Variants in FOXP2 observed in about 807,000 individuals in gnomAD.
FOXP2 encodes forkhead box P2, also known as forkhead box protein P2.
Under a neutral mutation model 115.8 loss-of-function variants are expected in FOXP2, and 12 were observed. The ratio of observed to expected loss-of-function variants is 0.10; its 90% confidence interval spans 0.07 to 0.17. The LOEUF is 0.17. Ranked by LOEUF, FOXP2 falls within the 10% of genes least tolerant of loss-of-function variation. FOXP2 has a pLI of 1.00. For missense variants in FOXP2, 629 were observed against 843.5 expected, an observed-to-expected ratio of 0.75 and a Z score of 3.15; for synonymous variants, 328 against 297.7, an observed-to-expected ratio of 1.10 and a Z score of -1.05.
At chr7:114,140,419 C>T (rs995729350) in intron 1 of FOXP2, among the ~76,000 whole-genome samples, 1 of 152,118 alleles carries the variant, frequency 6.6e-6, no homozygotes, top group Non-Finnish European at 1.5e-5. Flanking sequence ...GGGAGCCTGA[C>T]GTGCACGGTT....
At chr7:114,502,675 T>C (rs1385229443) in intron 2 of FOXP2, among the ~76,000 whole-genome samples, 1 of 152,044 alleles carries the variant, frequency 6.6e-6, no homozygotes, top group Non-Finnish European at 1.5e-5. Flanking sequence ...TTTCTTTTTC[T>C]TACTCAAAAA....
chr7:114,192,199 A>C (rs986101558), intron 1 of FOXP2, among the ~76,000 whole-genome samples: 1 of 104,074 alleles, frequency 9.6e-6, no homozygotes, highest in African/African-American at 2.8e-5. Flanking sequence ...GTTGGCCAGG[A>C]TGGTCTCTAT....
At chr7:114,188,387 A>G (rs1270550784) in intron 1 of FOXP2, among the ~76,000 whole-genome samples, 1 of 152,114 alleles carries the variant, frequency 6.6e-6, no homozygotes, top group East Asian at 1.9e-4. Flanking sequence ...GCTTCAGGGC[A>G]TGTGCTCTTG....
rs145707507 is a variant in FOXP2 at position 114,635,825 on chromosome 7, A to T, written c.775+4120A>T. Among the ~76,000 whole-genome samples the T allele has an allele frequency of 6.2e-3, 945 of 152,302 alleles. 8 individuals carry two copies. The highest frequency in any genetic ancestry group is 0.021 in the African/African-American group (875 of 41,590). On this transcript the variant is annotated intron_variant, in intron 6 of 16. Coordinates refer to ENST00000350908, the MANE Select transcript of FOXP2 (RefSeq NM_014491.4). ...GTCAACTTTGCCATATTAAAATATG[A>T]TGAGAAAAAGGAAACATCATTGGTT...
intron 1 of FOXP2, among the ~76,000 whole-genome samples, chr7:114,238,048 C>A (rs983610673): frequency 6.6e-6 from 1 of 152,178 alleles, no homozygotes; most frequent in African/African-American, 2.4e-5. Context: ...AACAAAGTTG[C>A]TAACAATCCA....
chr7:114,488,041 T>C (rs553119518), intron 2 of FOXP2, among the ~76,000 whole-genome samples: 1 of 152,300 alleles, frequency 6.6e-6, no homozygotes, highest in South Asian at 2.1e-4. Flanking sequence ...TACCTGAGAC[T>C]GGGTAATTTA....
chr7:114,575,188 C>T (rs912999673), intron 3 of FOXP2, among the ~76,000 whole-genome samples: 12 of 151,918 alleles, frequency 7.9e-5, no homozygotes, highest in South Asian at 2.1e-4. Flanking sequence ...CTTTGCTTCA[C>T]GTTCTCAGTC....
At chr7:114,088,341 T>A (rs1799468764) in intron 1 of FOXP2, 2 of 152,268 alleles carry the variant, frequency 1.3e-5, no homozygotes, top group Non-Finnish European at 2.9e-5. Context: ...GGTGTGTGCA[T>A]ATGTAGTCAT....
chr7:114,099,166 C>G (rs1799717936), intron 1 of FOXP2, among the ~76,000 whole-genome samples: 14 of 151,938 alleles, frequency 9.2e-5, no homozygotes, highest in Admixed American at 9.2e-4. Context: ...AAAAAAAGCA[C>G]TCATACAACT....
At position 114,274,788 on chromosome 7, in the gene FOXP2, TTA is replaced by T. The variant is rs1291092350; in HGVS notation, c.-101-13229_-101-13228del. On this transcript the variant is annotated intron_variant, in intron 1 of 17. Transcript: ENST00000634411. ...GCACCACCATGCCCGACTAGTTTTT[TTA>T]TGTTTTTTGTTTGTTTGTTTTTTTG... Among the ~76,000 whole-genome samples the T allele has an allele frequency of 1.1e-4, 17 of 151,444 alleles. No individual in the cohort carries two copies. In the East Asian group the frequency reaches 1.6e-3, roughly 14 times the overall value.
Position 114,390,043 on chromosome 7 carries a change from A to AG in FOXP2, c.-10-36458dup, listed in dbSNP as rs71149741. Among the ~76,000 whole-genome samples the AG allele has an allele frequency of 3.2e-3, 455 of 144,118 alleles. 9 individuals are homozygous for AG. The highest frequency in any genetic ancestry group is 0.011 in the African/African-American group (427 of 37,894). The allele number at this position is 144,118 out of a possible 152,430, so 94.5% of individuals were successfully genotyped here. ...AGTGTCAAAAAAAAAAAAAAAAAAA[A>AG]GCATAACAAGTTAAAAAAAAAGATT... On this transcript the variant is annotated intron_variant, in intron 2 of 17. Transcript: ENST00000634411.
At chr7:114,174,789 C>G (rs1279779242) in intron 1 of FOXP2, among the ~76,000 whole-genome samples, 11 of 152,022 alleles carry the variant, frequency 7.2e-5, no homozygotes, top group Admixed American at 7.2e-4. Context: ...AAGGTTTGTA[C>G]AGCTGAATGT....
chr7:114,504,294 G>T (rs778607110), intron 2 of FOXP2, among the ~76,000 whole-genome samples: 4 of 151,316 alleles, frequency 2.6e-5, no homozygotes, highest in African/African-American at 7.3e-5. Flanking sequence ...CTCTCCATTT[G>T]CCCTACTTAC....
chr7:114,448,310 A>G (rs1319187716), intron 2 of FOXP2, among the ~76,000 whole-genome samples: 1 of 152,108 alleles, frequency 6.6e-6, no homozygotes, highest in African/African-American at 2.4e-5. Flanking sequence ...GTAAATAAAG[A>G]TGGGTTTTGA....
At chr7:114,336,092 T>C (rs1797848415) in intron 2 of FOXP2, among the ~76,000 whole-genome samples, 1 of 151,738 alleles carries the variant, frequency 6.6e-6, no homozygotes, top group South Asian at 2.1e-4. Flanking sequence ...CCTCTAGTGA[T>C]GTTAAAGAAC....
At chr7:114,476,610 T>C (rs1796277280) in intron 2 of FOXP2, among the ~76,000 whole-genome samples, 1 of 152,088 alleles carries the variant, frequency 6.6e-6, no homozygotes, top group Non-Finnish European at 1.5e-5. Flanking sequence ...CAGGCTCTTT[T>C]TTTGGTTCCA....
chr7:114,227,101 G>A (rs1406680693), intron 1 of FOXP2, among the ~76,000 whole-genome samples: 2 of 152,074 alleles, frequency 1.3e-5, no homozygotes, highest in South Asian at 2.1e-4. Flanking sequence ...TAATAAATCA[G>A]GTTGGAATAA....
At chr7:114,138,624 C>A (rs538349851) in intron 1 of FOXP2, among the ~76,000 whole-genome samples, 2 of 152,078 alleles carry the variant, frequency 1.3e-5, no homozygotes, top group Non-Finnish European at 2.9e-5. Context: ...AACTCCTGAC[C>A]TCATGATCCA....
chr7:114,572,715 C>T (rs575237272), intron 3 of FOXP2, among the ~76,000 whole-genome samples: 1 of 151,874 alleles, frequency 6.6e-6, no homozygotes, highest in Admixed American at 6.6e-5. Context: ...ATAGTGTTTG[C>T]TCTTTATCTA....
Sources: gnomAD v4.1 joint callset for allele counts (sites outside exome capture counted in the v4.1 genomes callset) on GRCh38, gnomAD v4.1.1 for gene constraint, MANE v1.5 for transcripts, NCBI Gene and HGNC (gene_info 2026-07-23, HGNC 2026-07-21) for gene names.